CFHR1: variants seen among roughly 807,000 people sequenced by gnomAD.
The protein encoded by CFHR1 is complement factor H related 1.
A neutral mutation model predicts 30.4 loss-of-function variants in CFHR1; 22 were observed. That is an observed-to-expected ratio of 0.72 (90% CI 0.52 to 1.03). The LOEUF (loss-of-function observed/expected upper bound fraction) is 1.03, where lower values mean the gene tolerates loss of function less well. Among genes scored for constraint, CFHR1 ranks in the 50% least tolerant of loss-of-function variants. CFHR1 has a pLI of 0.00. For synonymous variants in CFHR1, 95 were observed against 129.1 expected (o/e 0.74, Z 1.79); for missense variants, 248 against 380.6 (o/e 0.65, Z 2.90).
At chr1:196,827,482 A>G (rs1655380203) in intron 3 of CFHR1, among the ~76,000 whole-genome samples, 1 of 135,596 alleles carries the variant, frequency 7.4e-6, no homozygotes, top group African/African-American at 3.1e-5. Flanking sequence ...AGTTATTTTT[A>G]TTATTATAGA....
At position 196,831,836 on chromosome 1, in the gene CFHR1, A is replaced by G. The variant is rs1489442982; in HGVS notation, c.830A>G (p.Asn277Ser). The G allele has an allele frequency of 1.3e-6, 2 of 1,525,444 alleles. No homozygotes were observed. The highest frequency in any genetic ancestry group is 3.5e-5 in the Admixed American group (2 of 57,946). The allele number at this position is 1,525,444 out of a possible 1,614,324, so 94.5% of individuals were successfully genotyped here. The change falls in exon 6 of 6, where the codon AAC becomes AGC. Residue 277 changes from asparagine to serine, a missense_variant. Transcript: ENST00000320493. ...VISREIMENYNIALRWTAKQK... is the reference protein window; with the variant it reads ...VISREIMENYSIALRWTAKQK... ...TCCCGAGAAATTATGGAAAATTATA[A>G]CATAGCATTAAGGTGGACAGCCAAA... is the stretch of plus-strand genomic sequence containing the variant.
intron 1 of CFHR1, among the ~76,000 whole-genome samples, chr1:196,822,768 AG>A (rs1486527312): frequency 7.4e-6 from 1 of 134,806 alleles, no homozygotes; most frequent in Non-Finnish European, 1.6e-5. Context: ...CAATAGAAGA[AG>A]TTAACTATAA....
At chr1:196,829,345 T>C (rs551452213) in intron 4 of CFHR1, among the ~76,000 whole-genome samples, 1 of 135,474 alleles carries the variant, frequency 7.4e-6, no homozygotes, top group East Asian at 2.0e-4. Flanking sequence ...TCAAACATAA[T>C]TGAAAAAACT....
At chr1:196,823,961 A>T (rs758209218) in intron 1 of CFHR1, among the ~76,000 whole-genome samples, 3 of 134,630 alleles carry the variant, frequency 2.2e-5, no homozygotes, top group Non-Finnish European at 4.7e-5. Flanking sequence ...TAAATAAAGT[A>T]TAAAGTCTAA....
chr1:196,827,959 G>C, intron 3 of CFHR1, 111 bp from the exon 4 acceptor site: 1 of 952,692 alleles, frequency 1.0e-6, no homozygotes, highest in Non-Finnish European at 1.5e-6. Flanking sequence ...AATATTTGAT[G>C]AGATTGTCTA....
rs1375233880 is a variant in CFHR1 at position 196,831,045 on chromosome 1, T to C, written c.790+363T>C. Among the ~76,000 whole-genome samples, 2 of 134,096 alleles carry C rather than the reference T, an allele frequency of 1.5e-5. 1 individual carries two copies. Among genetic ancestry groups the C allele is most frequent in the Non-Finnish European group, 3.1e-5 (2 of 64,000 alleles). 88.0% of individuals were successfully genotyped at this position (134,096 alleles called of 152,430 possible). ...TAGTCGGGAGTCTGAGGCAGGAAAA[T>C]GGCGGGAACCCGGGAGGCGGAGCTT... On this transcript the variant is annotated intron_variant, in intron 5 of 5. Transcript: ENST00000320493.
At position 196,825,000 on chromosome 1, in the gene CFHR1, T is replaced by C. The variant is rs1384905320; in HGVS notation, c.59-477T>C. Among the ~76,000 whole-genome samples the C allele has an allele frequency of 4.9e-4, 63 of 129,374 alleles. 16 individuals carry two copies. Among genetic ancestry groups the C allele is most frequent in the Non-Finnish European group, 8.0e-5 (5 of 62,804 alleles). 84.9% of individuals were successfully genotyped at this position (129,374 alleles called of 152,430 possible). ...GATATTAATAAACAAAAAACAAAAC[T>C]ACATATCCAACATCTTTACTGCACC... is the stretch of plus-strand genomic sequence containing the variant. On this transcript the variant is annotated intron_variant, in intron 1 of 5. Transcript: ENST00000320493.
chr1:196,821,742 T>TGA lies in CFHR1; in HGVS notation c.58+1841_58+1842insAG, dbSNP rs1272650544. ...CTATATATAGGTGACTGTGAGTGAG[T>TGA]GTGTGTGTGTGTGTGTGTGTGTGTG... On this transcript the variant is annotated intron_variant, in intron 1 of 5. Transcript: ENST00000320493. Among the ~76,000 whole-genome samples the TGA allele has an allele frequency of 5.6e-4, 2 of 3,552 alleles. 1 individual carries two copies. The highest frequency in any genetic ancestry group is 1.2e-3 in the Non-Finnish European group (2 of 1,652). 2.3% of individuals were successfully genotyped at this position (3,552 alleles called of 152,430 possible). A position where few individuals can be genotyped will look rare whatever the true frequency, so the allele number is the denominator to read the frequency against.
At chr1:196,827,333 C>G (rs145410290) in intron 3 of CFHR1, among the ~76,000 whole-genome samples, 2 of 135,468 alleles carry the variant, frequency 1.5e-5, no homozygotes, top group East Asian at 3.9e-4. Context: ...TTACCAACCC[C>G]TCCAGGGAAT....
In CFHR1 at chr1:196,829,769, A is replaced by C. The variant is rs1655471773; in HGVS notation, c.608-731A>C. 1.5e-5 allele frequency among the ~76,000 whole-genome samples: 2 copies of C among 134,926 alleles called. 1 individual carries two copies. The highest frequency in any genetic ancestry group is 1.4e-4 in the Admixed American group (2 of 14,072). The allele number at this position is 134,926 out of a possible 152,430, so 88.5% of individuals were successfully genotyped here. ...TAGTTTTATTTTAATGTATATTGGT[A>C]TAAATTCCAATGTTTTTATCCTCTT... On this transcript the variant is annotated intron_variant, in intron 4 of 5. Transcript: ENST00000320493.
rs1465001340 is a variant in CFHR1 at position 196,820,830 on chromosome 1, T to C, written c.58+928T>C. The stretch of plus-strand genomic sequence containing the variant: ...CTTAGAAATGTTGCAAAATATTATT[T>C]CTATTGCTTGAAATTCATTTTTTTT... On this transcript the variant is annotated intron_variant, in intron 1 of 5. Coordinates refer to ENST00000320493, the MANE Select transcript of CFHR1 (RefSeq NM_002113.3). The C allele has an allele frequency of 1.5e-5, 2 of 132,246 alleles. 1 individual carries two copies. Among genetic ancestry groups the C allele is most frequent in the Non-Finnish European group, 3.1e-5 (2 of 64,454 alleles). 8.2% of individuals were successfully genotyped at this position (132,246 alleles called of 1,614,324 possible).
At chr1:196,824,054 T>C (rs1655225439) in intron 1 of CFHR1, among the ~76,000 whole-genome samples, 1 of 133,972 alleles carries the variant, frequency 7.5e-6, no homozygotes, top group Non-Finnish European at 1.6e-5. Flanking sequence ...TTCTACATTG[T>C]TTTAATATAT....
intron 5 of CFHR1, 68 bp downstream of exon 5, chr1:196,830,750 A>G: frequency 1.3e-6 from 2 of 1,481,822 alleles, no homozygotes; most frequent in Non-Finnish European, 1.8e-6. Flanking sequence ...GCTGTTGGTA[A>G]CAAAATAATC....
Position 196,830,698 on chromosome 1 carries a change from T to G in CFHR1, c.790+16T>G. On this transcript the variant is annotated intron_variant, in intron 5 of 5. Transcript: ENST00000320493. The stretch of plus-strand genomic sequence containing the variant: ...AAATGCTTACGTAAGTACTTTAATA[T>G]TCACGTGGCTGGAAAAATCAGTGTG... 2 of 1,521,372 alleles carry G rather than the reference T, an allele frequency of 1.3e-6. No homozygotes were observed. Among genetic ancestry groups the G allele is most frequent in the South Asian group, 2.5e-5 (2 of 80,168 alleles). The allele number at this position is 1,521,372 out of a possible 1,614,324, so 94.2% of individuals were successfully genotyped here.
chr1:196,824,748 GTATATATATATATATATATA>G (rs71131725), intron 1 of CFHR1, among the ~76,000 whole-genome samples: 2,452 of 55,028 alleles, frequency 0.045, 746 homozygotes, highest in African/African-American at 0.23. Context: ...GGGGCTGACT[GTATATATATATATATATATA>G]TATATATATA....
chr1:196,831,815 G>A lies in CFHR1; in HGVS notation c.809G>A (p.Arg270Gln), dbSNP rs368662175. 75 of 1,524,692 alleles carry A rather than the reference G, an allele frequency of 4.9e-5. 13 individuals carry two copies. The African/African-American group carries it at 1.1e-3, about 22-fold the overall frequency. The allele number at this position is 1,524,692 out of a possible 1,614,324, so 94.4% of individuals were successfully genotyped here. A position where few individuals can be genotyped will look rare whatever the true frequency, so the allele number is the denominator to read the frequency against. Residue 270 changes from arginine (R) to glutamine (Q), a missense_variant, in exon 6 of 6, where the codon CGA (arginine) becomes CAA (glutamine). Around this residue, in one of 3 missense-constraint regions of CFHR1, gnomAD observed 112 missense variants for 156.4 expected, o/e 0.72. Transcript: ENST00000320493. ...PKCLHPCVIS[R>Q]EIMENYNIAL... ...TTTTCAGATCCGTGTGTAATATCCC[G>A]AGAAATTATGGAAAATTATAACATA...
At chr1:196,824,748 G>GTA (rs71131725) in intron 1 of CFHR1, among the ~76,000 whole-genome samples, 5,412 of 54,760 alleles carry the variant, frequency 0.099, 575 homozygotes, top group Middle Eastern at 0.16. Context: ...GGGGCTGACT[G>GTA]TATATATATA....
In CFHR1 at chr1:196,828,795, GTTTTT is replaced by G. The variant is rs61334687; in HGVS notation, c.607+560_607+564del. Among the ~76,000 whole-genome samples, 94 of 113,394 alleles carry G rather than the reference GTTTTT, an allele frequency of 8.3e-4. 11 individuals carry two copies. The East Asian group carries it at 9.1e-3, about 11-fold the overall frequency. 74.4% of individuals were successfully genotyped at this position (113,394 alleles called of 152,430 possible). On this transcript the variant is annotated intron_variant, in intron 4 of 5. Transcript: ENST00000320493. Reference sequence around the variant, plus strand: ...TGTTTTAAAATTAATGTTGTCCTGTGTTTTTTTTTTTTTTTCACTATTTTACTTAG... The same window carrying G: ...TGTTTTAAAATTAATGTTGTCCTGTGTTTTTTTTTTCACTATTTTACTTAG...
In CFHR1 at chr1:196,831,080, C is replaced by G. The variant is rs1279271999; in HGVS notation, c.790+398C>G. On this transcript the variant is annotated intron_variant, in intron 5 of 5. Coordinates refer to ENST00000320493, the MANE Select transcript of CFHR1 (RefSeq NM_002113.3). ...CCGGGAGGCGGAGCTTGCAGTGAGC[C>G]GAGTTCGCGCCACTGCACTCCAGCC... Among the ~76,000 whole-genome samples the G allele has an allele frequency of 3.0e-5, 4 of 135,252 alleles. 2 individuals are homozygous for G. Among genetic ancestry groups the G allele is most frequent in the African/African-American group, 6.3e-5 (2 of 31,690 alleles). The allele number at this position is 135,252 out of a possible 152,430, so 88.7% of individuals were successfully genotyped here. A position where few individuals can be genotyped will look rare whatever the true frequency, so the allele number is the denominator to read the frequency against.
Sources: allele counts gnomAD v4.1 joint callset (sites outside exome capture counted in the v4.1 genomes callset), GRCh38; gene constraint gnomAD v4.1.1; regional missense constraint gnomAD v4.1.1; transcripts MANE v1.5; gene names NCBI Gene and HGNC (gene_info 2026-07-23, HGNC 2026-07-21).